Variants in CTNNA3 observed in about 807,000 individuals in gnomAD.
The protein encoded by CTNNA3 is catenin alpha-3.
Under a neutral mutation model 95.7 loss-of-function variants are expected in CTNNA3, and 76 were observed. The ratio of observed to expected loss-of-function variants is 0.79; its 90% CI spans 0.66 to 0.96. The LOEUF is 0.96. Among genes scored for constraint, CTNNA3 ranks in the 40% least tolerant of loss-of-function variants. The pLI is 0.00. For missense variants in CTNNA3, 1,191 were observed against 1,089.8 expected (o/e 1.09, Z -1.31); for synonymous variants, 431 against 374.4 (o/e 1.15, Z -1.74).
chr10:67,500,230 A>G (rs573400524), intron 5 of CTNNA3, among the ~76,000 whole-genome samples: 1 of 152,260 alleles, frequency 6.6e-6, no homozygotes, highest in East Asian at 1.9e-4. Context: ...GTTTCCTCGT[A>G]GTTGTGCAGT....
At chr10:66,730,225 A>G (rs1360269357) in intron 9 of CTNNA3, among the ~76,000 whole-genome samples, 2 of 152,192 alleles carry the variant, frequency 1.3e-5, no homozygotes, top group Non-Finnish European at 2.9e-5. Context: ...GATAGACTGG[A>G]TAAAGAAAAT....
chr10:67,269,628 T>A (rs1407521720), intron 5 of CTNNA3, among the ~76,000 whole-genome samples: 1 of 152,132 alleles, frequency 6.6e-6, no homozygotes, highest in Non-Finnish European at 1.5e-5. Flanking sequence ...TTTCCCTTAC[T>A]TATTTCCAAA....
intron 13 of CTNNA3, among the ~76,000 whole-genome samples, chr10:66,157,097 G>C (rs2084548643): frequency 6.6e-6 from 1 of 151,804 alleles, no homozygotes; most frequent in African/African-American, 2.4e-5. Flanking sequence ...GGTTACATCA[G>C]TAAGTTCTTT....
intron 12 of CTNNA3, among the ~76,000 whole-genome samples, chr10:66,360,605 TTC>T (rs143750397): frequency 0.24 from 11,897 of 50,362 alleles, 1,110 homozygotes; most frequent in Admixed American, 0.36. Flanking sequence ...CCTTCTTTCT[TTC>T]TTTCTTTCTT....
chr10:66,169,980 CTCT>C (rs2085332386), intron 13 of CTNNA3, among the ~76,000 whole-genome samples: 1 of 152,076 alleles, frequency 6.6e-6, no homozygotes, highest in Non-Finnish European at 1.5e-5. Flanking sequence ...TGTTTATTTA[CTCT>C]GCTGACTATT....
At chr10:66,169,247 A>G (rs2085295132) in intron 13 of CTNNA3, among the ~76,000 whole-genome samples, 1 of 152,126 alleles carries the variant, frequency 6.6e-6, no homozygotes, top group Non-Finnish European at 1.5e-5. Flanking sequence ...CTCAGAGCTT[A>G]GGTCCCACTT....
intron 9 of CTNNA3, among the ~76,000 whole-genome samples, chr10:66,743,867 T>C: frequency 6.7e-6 from 1 of 149,534 alleles, no homozygotes; most frequent in Non-Finnish European, 1.5e-5. Flanking sequence ...TCCCAGCTAC[T>C]TGGGAGGCTG....
intron 5 of CTNNA3, among the ~76,000 whole-genome samples, chr10:67,264,530 C>A (rs1474724698): frequency 6.6e-6 from 1 of 152,128 alleles, no homozygotes; most frequent in African/African-American, 2.4e-5. Flanking sequence ...ATTCAAATCA[C>A]TGCCTCCAAA....
At chr10:66,695,504 A>T (rs1477902621) in intron 9 of CTNNA3, among the ~76,000 whole-genome samples, 1 of 152,198 alleles carries the variant, frequency 6.6e-6, no homozygotes, top group Non-Finnish European at 1.5e-5. Flanking sequence ...TCACATTGCT[A>T]GCACAATGTG....
At chr10:66,942,827 C>T (rs1848079026) in intron 7 of CTNNA3, among the ~76,000 whole-genome samples, 3 of 152,132 alleles carry the variant, frequency 2.0e-5, no homozygotes, top group Non-Finnish European at 4.4e-5. Flanking sequence ...AGGAAGAAAA[C>T]ACAATATCAA....
At chr10:66,326,561 A>G (rs2092256933) in intron 12 of CTNNA3, among the ~76,000 whole-genome samples, 1 of 152,160 alleles carries the variant, frequency 6.6e-6, no homozygotes, top group African/African-American at 2.4e-5. Flanking sequence ...ATAGGAAAAT[A>G]ATACAATGAA....
At chr10:67,135,123 G>A (rs1334480895) in intron 7 of CTNNA3, among the ~76,000 whole-genome samples, 1 of 151,994 alleles carries the variant, frequency 6.6e-6, no homozygotes, top group Non-Finnish European at 1.5e-5. Flanking sequence ...ACAAAGGGAG[G>A]AAATATCTAG....
At chr10:67,387,520 C>T (rs1011395283) in intron 5 of CTNNA3, among the ~76,000 whole-genome samples, 4 of 152,218 alleles carry the variant, frequency 2.6e-5, no homozygotes, top group African/African-American at 7.2e-5. Context: ...ATTAGGTAAA[C>T]AAAGCAGCCG....
intron 1 of CTNNA3, among the ~76,000 whole-genome samples, chr10:67,709,811 G>T (rs145117000): frequency 3.3e-5 from 5 of 152,216 alleles, no homozygotes; most frequent in African/African-American, 1.2e-4. Context: ...ATTCCCACTT[G>T]CCCATGCTGT....
intron 7 of CTNNA3, among the ~76,000 whole-genome samples, chr10:67,118,747 AGCCAT>A (rs980443964): frequency 2.0e-5 from 3 of 151,952 alleles, no homozygotes; most frequent in Admixed American, 2.0e-4. Context: ...AAACTTAGAA[AGCCAT>A]GTCTCCCCTC....
At chr10:66,336,099 G>T (rs2132338029) in intron 12 of CTNNA3, among the ~76,000 whole-genome samples, 1 of 152,220 alleles carries the variant, frequency 6.6e-6, no homozygotes, top group South Asian at 2.1e-4. Context: ...ATTAGGGTGG[G>T]AGTGACCCGA....
At chr10:67,461,712 G>T (rs1421650597) in intron 5 of CTNNA3, among the ~76,000 whole-genome samples, 1 of 152,096 alleles carries the variant, frequency 6.6e-6, no homozygotes, top group Admixed American at 6.5e-5. Flanking sequence ...TTTAATGCAA[G>T]TCTTTCCTAG....
At chr10:67,546,504 G>T (rs1257518629) in intron 3 of CTNNA3, among the ~76,000 whole-genome samples, 2 of 151,916 alleles carry the variant, frequency 1.3e-5, no homozygotes, top group African/African-American at 4.8e-5. Context: ...CATCTCCTGG[G>T]GTTAGAAGTT....
At chr10:66,454,909 G>A (rs1358916804) in intron 11 of CTNNA3, among the ~76,000 whole-genome samples, 2 of 152,086 alleles carry the variant, frequency 1.3e-5, no homozygotes, top group Non-Finnish European at 2.9e-5. Flanking sequence ...ATTAGCATGT[G>A]TGTATGTATG....
Sources: allele counts gnomAD v4.1 joint callset (sites outside exome capture counted in the v4.1 genomes callset), GRCh38; gene constraint gnomAD v4.1.1; transcripts MANE v1.5; gene names NCBI Gene and HGNC (gene_info 2026-07-23, HGNC 2026-07-21).